ZNF121: variants seen among roughly 807,000 people sequenced by gnomAD.
ZNF121 encodes zinc finger protein 121 (clone ZHC32).
ZNF121 carries 1 observed loss-of-function variant against 2.4 expected under a neutral mutation model. The ratio of observed to expected loss-of-function variants is 0.41; its 90% confidence interval spans 0.15 to 1.94. The LOEUF (loss-of-function observed/expected upper bound fraction) is 1.94. Among genes scored for constraint, ZNF121 ranks in the 30% most tolerant of loss-of-function variants. The probability of loss-of-function intolerance (pLI) is 0.30; values close to 1 mark genes in which losing one functional copy is unlikely to be tolerated. For synonymous variants in ZNF121, 173 were observed against 158.6 expected (o/e 1.09, Z -0.68); for missense variants, 369 against 466.3 (o/e 0.79, Z 1.92).
chr19:9,580,780 C>A (rs1271637865), intron 1 of ZNF121, among the ~76,000 whole-genome samples: 1 of 152,176 alleles, frequency 6.6e-6, no homozygotes, highest in African/African-American at 2.4e-5. Context: ...CTGGCATACA[C>A]CAACAGAAGA....
intron 1 of ZNF121, among the ~76,000 whole-genome samples, chr19:9,582,341 C>G (rs989259573): frequency 6.6e-6 from 1 of 152,124 alleles, no homozygotes; most frequent in African/African-American, 2.4e-5. Context: ...GACATTCCAC[C>G]ATTGTGATTT....
At chr19:9,567,355 C>T (rs1453469222) in intron 3 of ZNF121, among the ~76,000 whole-genome samples, 1 of 152,128 alleles carries the variant, frequency 6.6e-6, no homozygotes, top group Admixed American at 6.6e-5. Context: ...TTTTTATAAT[C>T]TAGCTACATA....
At chr19:9,575,102 G>A (rs1382591034) in intron 1 of ZNF121, among the ~76,000 whole-genome samples, 2 of 152,096 alleles carry the variant, frequency 1.3e-5, no homozygotes, top group East Asian at 3.9e-4. Flanking sequence ...TCAAAGTGCT[G>A]GAAGAAAAAA....
chr19:9,570,196 A>G (rs1295998761), intron 1 of ZNF121, among the ~76,000 whole-genome samples: 2 of 152,110 alleles, frequency 1.3e-5, no homozygotes, highest in East Asian at 1.9e-4. Context: ...ACAGAGCAAG[A>G]TTCCATCCAA....
At chr19:9,575,718 G>C (rs1281160414) in intron 1 of ZNF121, among the ~76,000 whole-genome samples, 1 of 152,032 alleles carries the variant, frequency 6.6e-6, no homozygotes, top group African/African-American at 2.4e-5. Flanking sequence ...ACTCCAGCCT[G>C]GGCAACAGAG....
In ZNF121 at chr19:9,565,353, CAAAAAAAAAA is replaced by C. The variant is rs71185609; in HGVS notation, c.*577_*586del. 7.0e-4 allele frequency: 21 copies of C among 29,860 alleles called. No individual in the cohort carries two copies. Among genetic ancestry groups the C allele is most frequent in the South Asian group, 2.0e-3 (1 of 512 alleles). 1.8% of individuals were successfully genotyped at this position (29,860 alleles called of 1,614,324 possible). A position where few individuals can be genotyped will look rare whatever the true frequency, so the allele number is the denominator to read the frequency against. On this transcript the variant is annotated 3_prime_UTR_variant, in exon 4 of 4. Coordinates refer to ENST00000320451, the MANE Select transcript of ZNF121 (RefSeq NM_001008727.5). The stretch of plus-strand genomic sequence containing the variant: ...AAGAATGTGTATTAACAACGACTTA[CAAAAAAAAAA>C]AAAAAAAAAAAAAAAAAAAAAAAAG...
In ZNF121 at chr19:9,566,730, G is replaced by A. The variant is rs369993475; in HGVS notation, c.383C>T (p.Ser128Phe). 12 of 1,614,030 alleles carry A rather than the reference G, an allele frequency of 7.4e-6. No homozygotes were observed. Among genetic ancestry groups the A allele is most frequent in the Non-Finnish European group, 1.0e-5 (12 of 1,180,030 alleles). ...TTTAACAGACACAGCATGGCTTGTG[G>A]AGTAAGTAAAAGCTCTCCCACATTG... ...QKQCGRAFTYSTSHAVSVKMH... is the reference protein window; with the variant it reads ...QKQCGRAFTYFTSHAVSVKMH... The change falls in exon 4 of 4, where the codon TCC (serine) becomes TTC (phenylalanine). Residue 128 changes from serine to phenylalanine, a missense_variant. Around this residue, in one of 4 missense-constraint regions of ZNF121, gnomAD observed 168 missense variants for 162.3 expected, o/e 1.03. Transcript: ENST00000320451.
At chr19:9,576,037 C>T (rs773805204) in intron 1 of ZNF121, among the ~76,000 whole-genome samples, 1 of 152,184 alleles carries the variant, frequency 6.6e-6, no homozygotes, top group Non-Finnish European at 1.5e-5. Flanking sequence ...TTTTATCCAA[C>T]TGCTACAGAA....
intron 1 of ZNF121, among the ~76,000 whole-genome samples, chr19:9,576,599 C>A (rs564579332): frequency 6.6e-6 from 1 of 151,896 alleles, no homozygotes; most frequent in East Asian, 1.9e-4. Context: ...ATCAGACTCA[C>A]AATTAAATCA....
intron 1 of ZNF121, among the ~76,000 whole-genome samples, chr19:9,571,249 C>A (rs897227802): frequency 6.6e-6 from 1 of 152,114 alleles, no homozygotes; most frequent in African/African-American, 2.4e-5. Context: ...ATACAAAAAA[C>A]ACATGGAGAG....
chr19:9,567,461 A>AG (rs2074141845), intron 3 of ZNF121, among the ~76,000 whole-genome samples: 1 of 152,174 alleles, frequency 6.6e-6, no homozygotes, highest in Admixed American at 6.5e-5. Flanking sequence ...ATCCCTCTAG[A>AG]GCAGAGGTCC....
At position 9,583,273 on chromosome 19, in the gene ZNF121, G is replaced by GT. The variant is rs766177614; in HGVS notation, c.-160+1187dup. ...TCCTGTGGGCCCGTTTTGAAGCTCT[G>GT]TGGGGGGGTACAGACCTAGGAACTT... On this transcript the variant is annotated intron_variant, in intron 1 of 3. Coordinates refer to ENST00000320451, the MANE Select transcript of ZNF121 (RefSeq NM_001008727.5). 4.9e-5 allele frequency among the ~76,000 whole-genome samples: 7 copies of GT among 142,128 alleles called. No individual in the cohort carries two copies. In the South Asian group the frequency reaches 6.8e-4, roughly 14 times the overall value. The allele number at this position is 142,128 out of a possible 152,430, so 93.2% of individuals were successfully genotyped here.
Position 9,567,033 on chromosome 19 carries a change from T to C in ZNF121, c.80A>G (p.Asn27Ser). The C allele has an allele frequency of 1.9e-6, 3 of 1,614,130 alleles. No homozygotes were observed. Among genetic ancestry groups the C allele is most frequent in the South Asian group, 1.1e-5 (1 of 91,080 alleles). The part of the protein sequence containing the change: ...GEIFSEHSCL[N>S]AHMGTENTGD... ...TGTATTTTCAGTTCCCATGTGTGCA[T>C]TAAGGCATGAGTGTTCACTGAAGAT... is the stretch of plus-strand genomic sequence containing the variant. Residue 27 changes from asparagine to serine, a missense_variant, in exon 4 of 4, where the codon AAT becomes AGT. Around this residue, in one of 4 missense-constraint regions of ZNF121, gnomAD observed 168 missense variants for 162.3 expected, o/e 1.03. Coordinates refer to ENST00000320451, the MANE Select transcript of ZNF121 (RefSeq NM_001008727.5).
At chr19:9,570,214 A>G (rs946771335) in intron 1 of ZNF121, among the ~76,000 whole-genome samples, 1 of 152,094 alleles carries the variant, frequency 6.6e-6, no homozygotes, top group Non-Finnish European at 1.5e-5. Context: ...CAAAAACAAA[A>G]GAATCAGAGA....
chr19:9,570,943 T>C (rs562204140), intron 1 of ZNF121, among the ~76,000 whole-genome samples: 1 of 152,278 alleles, frequency 6.6e-6, no homozygotes, highest in African/African-American at 2.4e-5. Context: ...GAAGGTAGTA[T>C]TTAATCACCA....
intron 2 of ZNF121, among the ~76,000 whole-genome samples, chr19:9,568,705 A>G (rs1269759885): frequency 6.6e-6 from 1 of 152,180 alleles, no homozygotes. Context: ...TTTATTCTAT[A>G]GAAATTAAAT....
rs2074114796 is a variant in ZNF121 at position 9,563,922 on chromosome 19, T to G, written c.*2018A>C. On this transcript the variant is annotated 3_prime_UTR_variant, in exon 4 of 4. Coordinates refer to ENST00000320451, the MANE Select transcript of ZNF121 (RefSeq NM_001008727.5). ...ACTGTAAAACATACTGTTCAGAGAT[T>G]CCTTTCAAAATATTACCACTGATAA... 1 of 152,226 alleles carries G rather than the reference T, an allele frequency of 6.6e-6. No individual in the cohort carries two copies. The highest frequency in any genetic ancestry group is 1.5e-5 in the Non-Finnish European group (1 of 68,048). The allele number at this position is 152,226 out of a possible 1,614,324, so 9.4% of individuals were successfully genotyped here.
Position 9,566,983 on chromosome 19 carries a change from A to G in ZNF121, c.130T>C (p.Tyr44His), listed in dbSNP as rs1427985104. 3.1e-6 allele frequency: 5 copies of G among 1,614,048 alleles called. No homozygotes were observed. The highest frequency in any genetic ancestry group is 4.2e-6 in the Non-Finnish European group (5 of 1,180,038). ...TGTAACATGGGAAAGTTTTCTCCAT[A>G]CTCATCACAGTCATAAGTGTCCCCT... ...NTGDTYDCDE[Y>H]GENFPMLHNS... The change falls in exon 4 of 4, where the codon TAT becomes CAT. Residue 44 changes from tyrosine (Y) to histidine (H), a missense_variant. This residue lies in a region of ZNF121 where 168 missense variants were observed against 162.3 expected (regional missense o/e 1.03). Transcript: ENST00000320451.
At chr19:9,584,266 A>T (rs879708698) in intron 1 of ZNF121, 195 bp downstream of exon 1, 1 of 152,162 alleles carries the variant, frequency 6.6e-6, no homozygotes, top group Non-Finnish European at 1.5e-5. Context: ...CGGGACAAAC[A>T]CACTTCCCGA....
Sources: allele counts gnomAD v4.1 joint callset (sites outside exome capture counted in the v4.1 genomes callset), GRCh38; gene constraint gnomAD v4.1.1; regional missense constraint gnomAD v4.1.1; transcripts MANE v1.5; gene names NCBI Gene and HGNC (gene_info 2026-07-23, HGNC 2026-07-21).